Variants in SP100 observed in about 807,000 individuals in gnomAD.
SP100 encodes the protein nuclear autoantigen Sp-100.
Under a neutral mutation model 130.0 loss-of-function variants are expected in SP100, and 84 were observed. The ratio of observed to expected loss-of-function variants is 0.65; its 90% confidence interval spans 0.54 to 0.77. SP100 has a LOEUF of 0.77. Among genes scored for constraint, SP100 ranks in the 30% least tolerant of loss-of-function variants. The pLI is 0.00. For missense variants in SP100, 978 were observed against 1,052.2 expected, an observed-to-expected ratio of 0.93 and a Z score of 0.97; for synonymous variants, 331 against 351.7, an observed-to-expected ratio of 0.94 and a Z score of 0.66.
At position 230,544,155 on chromosome 2, in the gene SP100, A is replaced by G. The variant is rs973275615; in HGVS notation, c.*1209A>G. On this transcript the variant is annotated 3_prime_UTR_variant, in exon 29 of 29. Coordinates refer to ENST00000340126, the MANE Select transcript of SP100 (RefSeq NM_001080391.2). The stretch of plus-strand genomic sequence containing the variant: ...ACAAAAATCAACTCAAGATCAATTA[A>G]AGACTTAATGTAAAATCAAAAACTA... The G allele has an allele frequency of 6.6e-6, 1 of 152,212 alleles. No individual in the cohort carries two copies. The highest frequency in any genetic ancestry group is 1.5e-5 in the Non-Finnish European group (1 of 68,036). 9.4% of individuals were successfully genotyped at this position (152,212 alleles called of 1,614,324 possible).
chr2:230,447,047 G>T, intron 5 of SP100, 145 bp downstream of exon 5: 1 of 575,478 alleles, frequency 1.7e-6, no homozygotes, highest in Admixed American at 3.2e-5. Flanking sequence ...CAGGTGCAGG[G>T]TCCTGGAGAA....
chr2:230,448,786 G>A (rs934839663), intron 5 of SP100, among the ~76,000 whole-genome samples: 14 of 152,104 alleles, frequency 9.2e-5, no homozygotes, highest in Admixed American at 8.5e-4. Context: ...GGTAGCTCTG[G>A]GGACAAAGGC....
At position 230,476,297 on chromosome 2, in the gene SP100, C is replaced by G. The variant is rs2065545635; in HGVS notation, c.1600+1850C>G. Among the ~76,000 whole-genome samples, 4 of 152,240 alleles carry G rather than the reference C, an allele frequency of 2.6e-5. No homozygotes were observed. In the South Asian group the frequency reaches 8.3e-4, roughly 32 times the overall value. ...CCTAGGGATCTCATTTTCTTTATGG[C>G]TATTGTAAATGGGACTGTGTTCTTC... On this transcript the variant is annotated intron_variant, in intron 17 of 28. Transcript: ENST00000340126.
chr2:230,493,236 G>A (rs2066482496), intron 17 of SP100, among the ~76,000 whole-genome samples: 1 of 151,710 alleles, frequency 6.6e-6, no homozygotes, highest in Non-Finnish European at 1.5e-5. Flanking sequence ...TATTTTATTT[G>A]AAACAATGTC....
chr2:230,417,085 A>G (rs1386067639), intron 1 of SP100, among the ~76,000 whole-genome samples: 1 of 152,250 alleles, frequency 6.6e-6, no homozygotes, highest in Non-Finnish European at 1.5e-5. Flanking sequence ...GTGGAGAAGT[A>G]TATTAAGGAA....
rs1334941314 is a variant in SP100, at chr2:230,462,425, C to G, written c.974-10C>G. On this transcript the variant is annotated splice_polypyrimidine_tract_variant and intron_variant, in intron 9 of 28. Transcript: ENST00000340126. ...CTGAGACTCTTAATGGTTTTTGCTC[C>G]TTTGTGCAGTCATCAGCAGTGAGGA... The G allele has an allele frequency of 1.2e-6, 2 of 1,610,828 alleles. No homozygotes were observed. Among genetic ancestry groups the G allele is most frequent in the Admixed American group, 3.4e-5 (2 of 59,686 alleles).
chr2:230,444,238 A>G lies in SP100; in HGVS notation c.331A>G (p.Ser111Gly). The G allele has an allele frequency of 1.9e-6, 3 of 1,612,780 alleles. No homozygotes were observed. The highest frequency in any genetic ancestry group is 2.5e-6 in the Non-Finnish European group (3 of 1,178,764). Reference protein sequence around the residue: ...PVQRVVYNVLSELEKTFNLPV... With the variant: ...PVQRVVYNVLGELEKTFNLPV... ...ACAGAGAGTGGTGTACAATGTTCTT[A>G]GTGAACTGGAGAAGACATTTAACCT... The change falls in exon 4 of 29, where the codon AGT (serine) becomes GGT (glycine). Residue 111 changes from serine (S) to glycine (G), a missense_variant. Ser to Gly is a moderately conservative substitution (Grantham distance 56). Transcript: ENST00000340126.
At chr2:230,501,970 G>A (rs1398443227) in intron 19 of SP100, among the ~76,000 whole-genome samples, 3 of 151,812 alleles carry the variant, frequency 2.0e-5, no homozygotes, top group East Asian at 3.9e-4. Context: ...CCGGATTCAA[G>A]CAATTCTCCT....
intron 21 of SP100, among the ~76,000 whole-genome samples, chr2:230,504,787 C>T (rs1689950224): frequency 6.6e-6 from 1 of 152,144 alleles, no homozygotes; most frequent in African/African-American, 2.4e-5. Flanking sequence ...GAGCCCTCTT[C>T]TTCATTTATG....
intron 24 of SP100, among the ~76,000 whole-genome samples, chr2:230,518,206 G>T (rs982061191): frequency 6.6e-5 from 10 of 151,808 alleles, no homozygotes; most frequent in African/African-American, 2.4e-4. Flanking sequence ...CTTCTTACTG[G>T]TTCCTTTCTT....
chr2:230,430,708 G>T (rs2063073341), intron 2 of SP100, among the ~76,000 whole-genome samples: 1 of 152,352 alleles, frequency 6.6e-6, no homozygotes, highest in East Asian at 1.9e-4. Context: ...TCTACTCCCT[G>T]CCTGGGCATG....
intron 2 of SP100, among the ~76,000 whole-genome samples, chr2:230,439,613 T>C (rs183971452): frequency 2.0e-5 from 3 of 152,016 alleles, no homozygotes; most frequent in African/African-American, 2.4e-5. Context: ...TATTTATTTA[T>C]TTTTTTGCAG....
At chr2:230,462,668 T>C (rs1203438506) in intron 10 of SP100, 150 bp downstream of exon 10, 2 of 650,448 alleles carry the variant, frequency 3.1e-6, no homozygotes, top group Non-Finnish European at 5.5e-6. Context: ...ACTTGACCTT[T>C]TTGGAAAATG....
At chr2:230,511,037 C>G in intron 23 of SP100, 88 bp from the exon 24 acceptor site, 1 of 868,100 alleles carries the variant, frequency 1.2e-6, no homozygotes, top group Non-Finnish European at 2.0e-6. Flanking sequence ...TGGCATGAAT[C>G]CCTTAAAAAT....
At position 230,540,899 on chromosome 2, in the gene SP100, G is replaced by T. The variant is rs1692149233; in HGVS notation, c.2234G>T (p.Cys745Phe). The part of the protein sequence containing the change: ...ANKNPWSCIF[C>F]RIKTIQERCP... ...AGGAACCCGTGGAGTTGCATCTTCT[G>T]CAGGATAAAGACTATTCAGGAAAGA... is the stretch of plus-strand genomic sequence containing the variant. Residue 745 changes from cysteine to phenylalanine, a missense_variant, in exon 26 of 29, where the codon TGC (cysteine) becomes TTC (phenylalanine). Physicochemically the swap from Cys to Phe is radical, Grantham distance 205 (BLOSUM62 -2). Coordinates refer to ENST00000340126, the MANE Select transcript of SP100 (RefSeq NM_001080391.2). The T allele has an allele frequency of 6.2e-7, 1 of 1,612,048 alleles. No homozygotes were observed. The highest frequency in any genetic ancestry group is 8.5e-7 in the Non-Finnish European group (1 of 1,178,678).
chr2:230,493,015 T>C (rs534648702), intron 17 of SP100, among the ~76,000 whole-genome samples: 56 of 152,322 alleles, frequency 3.7e-4, no homozygotes, highest in African/African-American at 1.3e-3. Flanking sequence ...AATAAATTTG[T>C]TGGAAATATA....
intron 24 of SP100, among the ~76,000 whole-genome samples, chr2:230,535,455 GT>G (rs979366048): frequency 1.1e-4 from 17 of 152,034 alleles, no homozygotes; most frequent in Admixed American, 3.3e-4. Context: ...GATTTTTTTT[GT>G]TTGAAACATT....
chr2:230,534,717 G>A (rs1208176766), intron 24 of SP100, among the ~76,000 whole-genome samples: 1 of 152,184 alleles, frequency 6.6e-6, no homozygotes, highest in Non-Finnish European at 1.5e-5. Flanking sequence ...GTTAATATGT[G>A]TTCCAGGATT....
intron 2 of SP100, among the ~76,000 whole-genome samples, chr2:230,425,270 G>T (rs866180084): frequency 1.3e-5 from 2 of 152,066 alleles, no homozygotes; most frequent in African/African-American, 2.4e-5. Flanking sequence ...ATAACTGAAA[G>T]TCTGTGCCCT....
Sources: allele counts gnomAD v4.1 joint callset (sites outside exome capture counted in the v4.1 genomes callset), GRCh38; gene constraint gnomAD v4.1.1; transcripts MANE v1.5; gene names NCBI Gene and HGNC (gene_info 2026-07-23, HGNC 2026-07-21).